JAKMIP1: variants seen among roughly 807,000 people sequenced by gnomAD.
JAKMIP1 encodes janus kinase and microtubule interacting protein 1, also known as janus kinase and microtubule-interacting protein 1.
JAKMIP1 carries 33 observed loss-of-function variants against 113.0 expected under a neutral mutation model. The observed-to-expected ratio is 0.29, with a 90% CI of 0.22 to 0.39. JAKMIP1 has a LOEUF of 0.39. Among genes scored for constraint, JAKMIP1 ranks in the 10% least tolerant of loss-of-function variants. JAKMIP1 has a pLI of 1.00. For synonymous variants in JAKMIP1, 480 were observed against 459.9 expected, an observed-to-expected ratio of 1.04 and a Z score of -0.56; for missense variants, 813 against 1,080.5, an observed-to-expected ratio of 0.75 and a Z score of 3.47.
chr4:6,113,651 G>C (rs1250100977), intron 1 of JAKMIP1, among the ~76,000 whole-genome samples: 1 of 152,228 alleles, frequency 6.6e-6, no homozygotes, highest in East Asian at 1.9e-4. Context: ...ACCTGATCAA[G>C]GTCCACAGCT....
chr4:6,152,809 T>TATATATATATATATATAC (rs1491579883), intron 1 of JAKMIP1, among the ~76,000 whole-genome samples: 1 of 117,666 alleles, frequency 8.5e-6, no homozygotes, highest in African/African-American at 4.1e-5. Flanking sequence ...TATATATATA[T>TATATATATATATATATAC]ACATATATAT....
At chr4:6,127,249 G>T (rs1276572714) in intron 1 of JAKMIP1, among the ~76,000 whole-genome samples, 2 of 152,202 alleles carry the variant, frequency 1.3e-5, no homozygotes, top group African/African-American at 2.4e-5. Flanking sequence ...CTGAGCCACA[G>T]CAAGCCCGGG....
intron 1 of JAKMIP1, among the ~76,000 whole-genome samples, chr4:6,124,375 C>G (rs1280212525): frequency 2.0e-5 from 3 of 152,162 alleles, no homozygotes; most frequent in Non-Finnish European, 4.4e-5. Flanking sequence ...TGACCTGGAC[C>G]CAATTCCACG....
intron 16 of JAKMIP1, among the ~76,000 whole-genome samples, chr4:6,048,012 A>ATTT (rs1715214095): frequency 6.6e-6 from 1 of 152,260 alleles, no homozygotes; most frequent in Non-Finnish European, 1.5e-5. Context: ...TGGATGGGTG[A>ATTT]ACAAATCCAA....
chr4:6,091,773 C>T (rs555063787), intron 3 of JAKMIP1, among the ~76,000 whole-genome samples: 1 of 152,356 alleles, frequency 6.6e-6, no homozygotes, highest in African/African-American at 2.4e-5. Flanking sequence ...TGACACACAG[C>T]TCTTCTGCCA....
In JAKMIP1 at chr4:6,080,348, C is replaced by T. The variant is rs76817832; in HGVS notation, c.1102-36G>A. 15,474 of 1,606,656 alleles carry T rather than the reference C, an allele frequency of 9.6e-3. 547 individuals are homozygous for T. In the African/African-American group the frequency reaches 0.11, roughly 12 times the overall value. ...AGGGAGACAGACCACCACAGGGTTA[C>T]CCGCCAACAGTGTTTGTTAGGGACA... On this transcript the variant is annotated intron_variant, in intron 6 of 20. Transcript: ENST00000409021. The surrounding 1 kb of genome is among the most constrained non-coding windows in gnomAD (Gnocchi z 6.0).
chr4:6,136,568 C>T lies in JAKMIP1; in HGVS notation c.-147-23571G>A, dbSNP rs1381521833. On this transcript the variant is annotated intron_variant, in intron 1 of 20. Transcript: ENST00000409021. This position sits in a 1 kb window ranked among gnomAD's most constrained non-coding sequence, Gnocchi z 5.9. ...GGGCACTGAGCGACTAAGTTCCTGT[C>T]CACGGTCACACAACCAAGGATGGCT... is the stretch of plus-strand genomic sequence containing the variant. Among the ~76,000 whole-genome samples, 1 of 152,130 alleles carries T rather than the reference C, an allele frequency of 6.6e-6. No homozygotes were observed. The highest frequency in any genetic ancestry group is 1.9e-4 in the East Asian group (1 of 5,176).
chr4:6,124,216 T>C (rs1283780594), intron 1 of JAKMIP1, among the ~76,000 whole-genome samples: 2 of 152,162 alleles, frequency 1.3e-5, no homozygotes, highest in African/African-American at 2.4e-5. Context: ...CTGGCGACCA[T>C]TGCTAATCCC....
At chr4:6,107,068 T>A (rs1406477734) in intron 2 of JAKMIP1, among the ~76,000 whole-genome samples, 3 of 152,116 alleles carry the variant, frequency 2.0e-5, no homozygotes, top group Non-Finnish European at 4.4e-5. Flanking sequence ...GATCAACATC[T>A]CCTTTCACCA....
chr4:6,043,849 G>A (rs1182200344), intron 16 of JAKMIP1, among the ~76,000 whole-genome samples: 3 of 151,910 alleles, frequency 2.0e-5, no homozygotes, highest in Admixed American at 1.3e-4. Flanking sequence ...CAGCACCCCC[G>A]ACAACACTGG....
At position 6,158,815 on chromosome 4, in the gene JAKMIP1, G is replaced by C. The variant is rs1296003656; in HGVS notation, c.-148+41438C>G. Among the ~76,000 whole-genome samples, 5 of 152,144 alleles carry C rather than the reference G, an allele frequency of 3.3e-5. No homozygotes were observed. Among genetic ancestry groups the C allele is most frequent in the Admixed American group, 2.0e-4 (3 of 15,270 alleles). On this transcript the variant is annotated intron_variant, in intron 1 of 20. Coordinates refer to ENST00000409021, the MANE Select transcript of JAKMIP1 (RefSeq NM_001099433.2). This position sits in a 1 kb window ranked among gnomAD's most constrained non-coding sequence, Gnocchi z 5.3. The stretch of plus-strand genomic sequence containing the variant: ...ATTTAAAACACATACTGGGCCGGGC[G>C]TGGTGACTCACACCTGTAATCTCAT...
At chr4:6,165,475 T>C (rs1166701149) in intron 1 of JAKMIP1, among the ~76,000 whole-genome samples, 1 of 152,152 alleles carries the variant, frequency 6.6e-6, no homozygotes, top group Non-Finnish European at 1.5e-5. Flanking sequence ...TGGCTAATTT[T>C]TGTATTTTTA....
chr4:6,157,304 CA>C lies in JAKMIP1; in HGVS notation c.-148+42948del, dbSNP rs1722365416. On this transcript the variant is annotated intron_variant, in intron 1 of 20. Transcript: ENST00000409021. The surrounding 1 kb of genome is among the most constrained non-coding windows in gnomAD (Gnocchi z 4.7). ...ATGGACTAAGACGAGTGCACCTGGGCAGGTTACTCCCTCTGCAAAAAGGCGC... is the reference window on the plus strand; with the variant it reads ...ATGGACTAAGACGAGTGCACCTGGGCGGTTACTCCCTCTGCAAAAAGGCGC... Among the ~76,000 whole-genome samples, 1 of 152,156 alleles carries C rather than the reference CA, an allele frequency of 6.6e-6. No homozygotes were observed. Among genetic ancestry groups the C allele is most frequent in the Non-Finnish European group, 1.5e-5 (1 of 68,030 alleles).
At chr4:6,082,700 C>T (rs924672379) in intron 5 of JAKMIP1, among the ~76,000 whole-genome samples, 6 of 152,156 alleles carry the variant, frequency 3.9e-5, no homozygotes, top group African/African-American at 1.4e-4. Flanking sequence ...TGGGGTTTTG[C>T]CATGCTGCCC....
chr4:6,112,586 C>T lies in JAKMIP1; in HGVS notation c.129+136G>A, dbSNP rs1578267807. 18 of 1,052,916 alleles carry T rather than the reference C, an allele frequency of 1.7e-5. No individual in the cohort carries two copies. The South Asian group carries it at 1.8e-4, about 10-fold the overall frequency. The allele number at this position is 1,052,916 out of a possible 1,614,324, so 65.2% of individuals were successfully genotyped here. On this transcript the variant is annotated intron_variant, in intron 2 of 20. Transcript: ENST00000409021. Reference sequence around the variant, plus strand: ...AGTCTCTGTACTGCAAAGGGACAGACAGCAGGGCAGAGAGGTGAAGTGCCC... The same window carrying T: ...AGTCTCTGTACTGCAAAGGGACAGATAGCAGGGCAGAGAGGTGAAGTGCCC...
rs56874913 is a variant in JAKMIP1, at chr4:6,084,967, T to TAAAAAA, written c.835-8_835-3dup. Reference sequence around the variant, plus strand: ...ATCTCGCTCGTCCATATGTTGATCCTAAAAAAAAAAAAAAAAAAAAAAAAA... The same window carrying TAAAAAA: ...ATCTCGCTCGTCCATATGTTGATCCTAAAAAAAAAAAAAAAAAAAAAAAAAAAAAAA... On this transcript the variant is annotated splice_region_variant and splice_polypyrimidine_tract_variant and intron_variant, in intron 4 of 20. Coordinates refer to ENST00000409021, the MANE Select transcript of JAKMIP1 (RefSeq NM_001099433.2). 161 of 377,924 alleles carry TAAAAAA rather than the reference T, an allele frequency of 4.3e-4. 3 individuals are homozygous for TAAAAAA. The highest frequency in any genetic ancestry group is 1.4e-3 in the South Asian group (14 of 10,324). 23.4% of individuals were successfully genotyped at this position (377,924 alleles called of 1,614,324 possible).
Position 6,040,536 on chromosome 4 carries a change from G to T in JAKMIP1, c.2175+103C>A. 1.3e-6 allele frequency: 1 copy of T among 770,950 alleles called. No homozygotes were observed. The highest frequency in any genetic ancestry group is 2.3e-6 in the Non-Finnish European group (1 of 432,742). The allele number at this position is 770,950 out of a possible 1,614,324, so 47.8% of individuals were successfully genotyped here. On this transcript the variant is annotated intron_variant, in intron 18 of 20. Coordinates refer to ENST00000409021, the MANE Select transcript of JAKMIP1 (RefSeq NM_001099433.2). This position sits in a 1 kb window ranked among gnomAD's most constrained non-coding sequence, Gnocchi z 5.8. ...GATGGCATTTTTATCACTCCTGTTT[G>T]GCACTGGGGAGCGCCCTAAATGCAG...
Position 6,169,993 on chromosome 4 carries a change from A to C in JAKMIP1, c.-148+30260T>G, listed in dbSNP as rs1487745476. ...CACCACCACCACTACCACCACCACC[A>C]CCACCACCACCACCACCCTCACCAC... On this transcript the variant is annotated intron_variant, in intron 1 of 20. Transcript: ENST00000409021. 1.2e-4 allele frequency among the ~76,000 whole-genome samples: 11 copies of C among 89,942 alleles called. No homozygotes were observed. The East Asian group carries it at 3.1e-3, about 25-fold the overall frequency. The allele number at this position is 89,942 out of a possible 152,430, so 59.0% of individuals were successfully genotyped here.
rs758799455 is a variant in JAKMIP1 at position 6,050,662 on chromosome 4, C to A, written c.1824G>T (p.Ser608=). The change falls in exon 14 of 21, where the codon TCG becomes TCT. Residue 608 remains serine, a synonymous_variant. Transcript: ENST00000409021. This position sits in a 1 kb window ranked among gnomAD's most constrained non-coding sequence, Gnocchi z 7.4. ...TGGTGATTTGGAGGTTAAATGCTGG[C>A]GACCTCCTCTCTCTCTCCTGGGGAA... ...VLELEERERR[S]PAFNLQITTF... is the part of the protein sequence containing the mutation. 4 of 1,563,302 alleles carry A rather than the reference C, an allele frequency of 2.6e-6. No homozygotes were observed. The highest frequency in any genetic ancestry group is 1.4e-5 in the African/African-American group (1 of 73,814).
Sources: gnomAD v4.1 joint callset for allele counts (sites outside exome capture counted in the v4.1 genomes callset) on GRCh38, gnomAD v4.1.1 for gene constraint, Gnocchi (gnomAD v3.1) non-coding constraint, MANE v1.5 for transcripts, NCBI Gene and HGNC (gene_info 2026-07-23, HGNC 2026-07-21) for gene names.